Variants in ELAVL3 observed in about 807,000 individuals in gnomAD.
ELAVL3 encodes the protein ELAV-like protein 3.
ELAVL3 carries 8 observed loss-of-function variants against 34.2 expected under a neutral mutation model. That is an observed-to-expected ratio of 0.23 (90% CI 0.14 to 0.42). The LOEUF (loss-of-function observed/expected upper bound fraction) is 0.42. Ranked by LOEUF, ELAVL3 falls within the 10% of genes least tolerant of loss-of-function variation. The pLI is 1.00. For missense variants in ELAVL3, 273 were observed against 518.8 expected (o/e 0.53, Z 4.60); for synonymous variants, 209 against 222.1 (o/e 0.94, Z 0.53).
Position 11,454,844 on chromosome 19 carries a change from G to A in ELAVL3, c.786C>T (p.Ile262=), listed in dbSNP as rs367695200. ...PLSLIARFSP[I]AIDGMSGLAG... is the part of the protein sequence containing the mutation. ...CCAGGCCGCTCATACCATCGATGGC[G>A]ATCGGCGAGAACCTGGCGATGAGCG... Residue 262 remains isoleucine, a synonymous_variant, in exon 7 of 7, where the codon ATC becomes ATT. Coordinates refer to ENST00000359227, the MANE Select transcript of ELAVL3 (RefSeq NM_001420.4). The surrounding 1 kb of genome is among the most constrained non-coding windows in gnomAD (Gnocchi z 9.2). The A allele has an allele frequency of 2.1e-5, 33 of 1,605,112 alleles. No homozygotes were observed. Among genetic ancestry groups the A allele is most frequent in the African/African-American group, 1.1e-4 (8 of 74,812 alleles).
At chr19:11,456,863 C>T (rs557130532) in intron 6 of ELAVL3, among the ~76,000 whole-genome samples, 2 of 151,970 alleles carry the variant, frequency 1.3e-5, no homozygotes, top group Non-Finnish European at 2.9e-5. Flanking sequence ...AAGGATCTCA[C>T]TATGTTGCCC....
At chr19:11,463,976 A>C (rs1230068772) in intron 3 of ELAVL3, among the ~76,000 whole-genome samples, 28 of 148,268 alleles carry the variant, frequency 1.9e-4, no homozygotes, top group East Asian at 5.9e-4. Context: ...CTCAAAAAAA[A>C]CCCCAAAAAA....
At chr19:11,471,373 G>T (rs569769699) in intron 1 of ELAVL3, among the ~76,000 whole-genome samples, 2 of 150,840 alleles carry the variant, frequency 1.3e-5, no homozygotes, top group African/African-American at 4.9e-5. Flanking sequence ...CCAGCACTTT[G>T]GGAGGCCGAG....
chr19:11,479,038 T>A (rs557485811), intron 1 of ELAVL3, among the ~76,000 whole-genome samples: 7 of 152,220 alleles, frequency 4.6e-5, no homozygotes, highest in African/African-American at 1.7e-4. Flanking sequence ...GCTCGCTCAC[T>A]GGAGAACCTA....
At chr19:11,472,836 G>A (rs947968911) in intron 1 of ELAVL3, among the ~76,000 whole-genome samples, 2 of 152,030 alleles carry the variant, frequency 1.3e-5, no homozygotes, top group Admixed American at 1.3e-4. Flanking sequence ...AGACCAAGGG[G>A]GGGTGGATCG....
intron 3 of ELAVL3, among the ~76,000 whole-genome samples, chr19:11,464,006 A>C (rs1970946682): frequency 1.3e-5 from 2 of 151,208 alleles, no homozygotes; most frequent in African/African-American, 4.9e-5. Context: ...CAAAAAAAAA[A>C]AACCTTATCC....
chr19:11,463,932 G>T lies in ELAVL3; in HGVS notation c.333+2240C>A, dbSNP rs574219683. 3.9e-3 allele frequency among the ~76,000 whole-genome samples: 592 copies of T among 150,998 alleles called. 4 individuals carry two copies. The highest frequency in any genetic ancestry group is 7.0e-3 in the Non-Finnish European group (475 of 67,800). ...TGCAGTGGGCCGAGATCGCGCCATT[G>T]CAATCCAGCCTGGGCAAGAGAGGGA... On this transcript the variant is annotated intron_variant, in intron 3 of 6. Transcript: ENST00000359227.
chr19:11,472,301 G>A (rs1017260953), intron 1 of ELAVL3, among the ~76,000 whole-genome samples: 2 of 152,146 alleles, frequency 1.3e-5, no homozygotes, highest in Admixed American at 6.5e-5. Context: ...AGCCAAGATC[G>A]CACCACTGCA....
chr19:11,477,707 T>C (rs1368517149), intron 1 of ELAVL3, among the ~76,000 whole-genome samples: 1 of 151,282 alleles, frequency 6.6e-6, no homozygotes, highest in Non-Finnish European at 1.5e-5. Flanking sequence ...TTTTTTTTTT[T>C]TTTGAGATGG....
Position 11,466,884 on chromosome 19 carries a change from G to A in ELAVL3, c.10-57C>T. ...CCAGTCCCCACACCAGGGGCCTGCG[G>A]CAATGAGTGGCTTGGTGGTGATGAA... On this transcript the variant is annotated intron_variant, in intron 1 of 6. Transcript: ENST00000359227. This position sits in a 1 kb window ranked among gnomAD's most constrained non-coding sequence, Gnocchi z 5.0. 2.1e-6 allele frequency: 3 copies of A among 1,439,464 alleles called. No individual in the cohort carries two copies. Among genetic ancestry groups the A allele is most frequent in the Admixed American group, 4.1e-5 (2 of 49,048 alleles). The allele number at this position is 1,439,464 out of a possible 1,614,324, so 89.2% of individuals were successfully genotyped here.
chr19:11,479,601 G>A (rs1174822829), intron 1 of ELAVL3, among the ~76,000 whole-genome samples: 4 of 151,668 alleles, frequency 2.6e-5, no homozygotes, highest in African/African-American at 7.3e-5. Flanking sequence ...CGCCCGGGCT[G>A]CCGAGTGGGA....
chr19:11,470,471 G>A (rs1971141633), intron 1 of ELAVL3, among the ~76,000 whole-genome samples: 1 of 150,618 alleles, frequency 6.6e-6, no homozygotes, highest in Non-Finnish European at 1.5e-5. Context: ...TTCGAGACCA[G>A]CCCGACCAAC....
intron 3 of ELAVL3, among the ~76,000 whole-genome samples, chr19:11,462,627 T>G (rs1970912021): frequency 7.0e-6 from 1 of 143,626 alleles, no homozygotes; most frequent in Non-Finnish European, 1.5e-5. Flanking sequence ...CAGAGCAAGA[T>G]TCCATCTCAG....
At position 11,454,814 on chromosome 19, in the gene ELAVL3, G is replaced by A. The variant is rs113335689; in HGVS notation, c.816C>T (p.Gly272=). ...CCGCCGCGCCCCCCGACAGGCCCACGCCCGCCAGGCCGCTCATACCATCGA... is the reference window on the plus strand; with the variant it reads ...CCGCCGCGCCCCCCGACAGGCCCACACCCGCCAGGCCGCTCATACCATCGA... The part of the protein sequence containing the change: ...IAIDGMSGLA[G]VGLSGGAAGA... Residue 272 remains glycine (G), a synonymous_variant, in exon 7 of 7, where the codon GGC becomes GGT. Coordinates refer to ENST00000359227, the MANE Select transcript of ELAVL3 (RefSeq NM_001420.4). This position sits in a 1 kb window ranked among gnomAD's most constrained non-coding sequence, Gnocchi z 9.2. 310 of 1,610,600 alleles carry A rather than the reference G, an allele frequency of 1.9e-4. No individual in the cohort carries two copies. The East Asian group carries it at 5.5e-3, about 29-fold the overall frequency.
Position 11,466,465 on chromosome 19 carries a change from T to C in ELAVL3, c.229+143A>G. On this transcript the variant is annotated intron_variant, in intron 2 of 6. Coordinates refer to ENST00000359227, the MANE Select transcript of ELAVL3 (RefSeq NM_001420.4). This position sits in a 1 kb window ranked among gnomAD's most constrained non-coding sequence, Gnocchi z 5.0. ...CCTTCACCTAGGGGGTATACCCATC[T>C]CCCCATCAGACCTCACATCCCTAGA... 1 of 1,039,368 alleles carries C rather than the reference T, an allele frequency of 9.6e-7. No individual in the cohort carries two copies. The highest frequency in any genetic ancestry group is 1.4e-6 in the Non-Finnish European group (1 of 696,490). 64.4% of individuals were successfully genotyped at this position (1,039,368 alleles called of 1,614,324 possible).
Position 11,458,720 on chromosome 19 carries a change from G to A in ELAVL3, c.334-109C>T, listed in dbSNP as rs558656414. 96 of 1,408,474 alleles carry A rather than the reference G, an allele frequency of 6.8e-5. No homozygotes were observed. The African/African-American group carries it at 9.7e-4, about 14-fold the overall frequency. 87.2% of individuals were successfully genotyped at this position (1,408,474 alleles called of 1,614,324 possible). On this transcript the variant is annotated intron_variant, in intron 3 of 6. Transcript: ENST00000359227. The surrounding 1 kb of genome is among the most constrained non-coding windows in gnomAD (Gnocchi z 7.3). Reference sequence around the variant, plus strand: ...CGGAGTTAGCAGAAGTGACCCATCCGTCACTCAATAAGTATCTCTAGAGTT... The same window carrying A: ...CGGAGTTAGCAGAAGTGACCCATCCATCACTCAATAAGTATCTCTAGAGTT...
chr19:11,479,404 C>A (rs530556025), intron 1 of ELAVL3, among the ~76,000 whole-genome samples: 1 of 152,074 alleles, frequency 6.6e-6, no homozygotes, highest in African/African-American at 2.4e-5. Flanking sequence ...GAAAAAGGGG[C>A]CCGGAAAGAG....
rs200299169 is a variant in ELAVL3, at chr19:11,466,588, C to G, written c.229+20G>C. 6.2e-7 allele frequency: 1 copy of G among 1,613,046 alleles called. No homozygotes were observed. The highest frequency in any genetic ancestry group is 1.1e-5 in the South Asian group (1 of 91,016). ...TGAGGCTACCACCTCTGTTCCTCCC[C>G]GCAACTCCAGCAGCCACACCTGTGA... is the stretch of plus-strand genomic sequence containing the variant. On this transcript the variant is annotated intron_variant, in intron 2 of 6. Coordinates refer to ENST00000359227, the MANE Select transcript of ELAVL3 (RefSeq NM_001420.4). The surrounding 1 kb of genome is among the most constrained non-coding windows in gnomAD (Gnocchi z 5.0).
chr19:11,457,363 C>A (rs2144879196), intron 5 of ELAVL3, among the ~76,000 whole-genome samples: 1 of 152,346 alleles, frequency 6.6e-6, no homozygotes, highest in South Asian at 2.1e-4. Context: ...GTCCAGCCTG[C>A]ACTGGCCTCC....
Sources: gnomAD v4.1 joint callset for allele counts (sites outside exome capture counted in the v4.1 genomes callset) on GRCh38, gnomAD v4.1.1 for gene constraint, Gnocchi (gnomAD v3.1) non-coding constraint, MANE v1.5 for transcripts, NCBI Gene and HGNC (gene_info 2026-07-23, HGNC 2026-07-21) for gene names.